The following USP3 variants were observed in gnomAD, a reference collection of about 807,000 sequenced individuals.
USP3 encodes ubiquitin carboxyl-terminal hydrolase 3.
USP3 carries 20 observed loss-of-function variants against 72.3 expected under a neutral mutation model. That is an observed-to-expected ratio of 0.28 (90% CI 0.19 to 0.40). USP3 has a LOEUF of 0.40. Among genes scored for constraint, USP3 ranks in the 10% least tolerant of loss-of-function variants. The pLI, the probability that USP3 is intolerant of heterozygous loss-of-function variation, is 1.00. For synonymous variants in USP3, 222 were observed against 225.3 expected (o/e 0.99, Z 0.13); for missense variants, 479 against 633.9 (o/e 0.76, Z 2.62).
At chr15:63,579,388 A>G (rs1269883834) in intron 11 of USP3, among the ~76,000 whole-genome samples, 1 of 152,244 alleles carries the variant, frequency 6.6e-6, no homozygotes, top group Non-Finnish European at 1.5e-5. Context: ...TCCTAGAACT[A>G]CTAATATAGA....
intron 8 of USP3, among the ~76,000 whole-genome samples, chr15:63,567,638 G>A (rs1011736187): frequency 4.0e-5 from 6 of 150,740 alleles, no homozygotes; most frequent in African/African-American, 1.5e-4. Flanking sequence ...GAGCCACCGT[G>A]CCTGGCCTAA....
intron 11 of USP3, among the ~76,000 whole-genome samples, chr15:63,575,813 C>A (rs1318993536): frequency 6.6e-6 from 1 of 151,942 alleles, no homozygotes; most frequent in Non-Finnish European, 1.5e-5. Context: ...GCTAACTTAA[C>A]CATAAATATC....
At chr15:63,590,556 T>C in intron 14 of USP3, 105 bp from the exon 15 acceptor site, 1 of 1,110,260 alleles carries the variant, frequency 9.0e-7, no homozygotes, top group Non-Finnish European at 1.2e-6. Context: ...AAATCAAAAG[T>C]CTAGGATGTA....
In USP3 at chr15:63,594,508, G is replaced by C. The variant is rs1213548798; in HGVS notation, c.*3682G>C. 6.6e-6 allele frequency: 1 copy of C among 152,222 alleles called. No individual in the cohort carries two copies. The highest frequency in any genetic ancestry group is 1.5e-5 in the Non-Finnish European group (1 of 68,054). 9.4% of individuals were successfully genotyped at this position (152,222 alleles called of 1,614,324 possible). A position where few individuals can be genotyped will look rare whatever the true frequency, so the allele number is the denominator to read the frequency against. On this transcript the variant is annotated 3_prime_UTR_variant, in exon 15 of 15. Coordinates refer to ENST00000380324, the MANE Select transcript of USP3 (RefSeq NM_006537.4). The stretch of plus-strand genomic sequence containing the variant: ...TGTCATCATTTGCCATTAAAACCCA[G>C]TTTGTATGATGCCAAGAGGATTAAT...
At chr15:63,546,112 G>C (rs551449827) in intron 3 of USP3, among the ~76,000 whole-genome samples, 1 of 151,508 alleles carries the variant, frequency 6.6e-6, no homozygotes, top group South Asian at 2.1e-4. Context: ...CCTGACTTCT[G>C]TTTATTACAT....
At chr15:63,520,008 C>G (rs1384595574) in intron 1 of USP3, among the ~76,000 whole-genome samples, 1 of 152,146 alleles carries the variant, frequency 6.6e-6, no homozygotes, top group Non-Finnish European at 1.5e-5. Context: ...CAAGATGTTC[C>G]AGGCTCATCT....
Position 63,588,560 on chromosome 15 carries a change from C to T in USP3, c.1215+137C>T, listed in dbSNP as rs2067121238. The T allele has an allele frequency of 1.1e-6, 1 of 930,416 alleles. No individual in the cohort carries two copies. 57.6% of individuals were successfully genotyped at this position (930,416 alleles called of 1,614,324 possible). ...TTTTCAGTAAAAGCTAAACCCCTTA[C>T]AGAATGAATGCATAAGGTATGCATG... On this transcript the variant is annotated intron_variant, in intron 12 of 14. Coordinates refer to ENST00000380324, the MANE Select transcript of USP3 (RefSeq NM_006537.4). This position sits in a 1 kb window ranked among gnomAD's most constrained non-coding sequence, Gnocchi z 4.6.
At position 63,504,772 on chromosome 15, in the gene USP3, C is replaced by T; in HGVS notation, c.33C>T (p.Cys11=). MECPHLSSSV[C]IAPDSAKFPN... is the part of the protein sequence containing the mutation. ...GTCCACACCTGAGCTCCAGCGTCTGCATTGCTCCGGACTCAGCCAAGTTCC... is the reference window on the plus strand; with the variant it reads ...GTCCACACCTGAGCTCCAGCGTCTGTATTGCTCCGGACTCAGCCAAGTTCC... The change falls in exon 1 of 15, where the codon TGC becomes TGT. Residue 11 remains cysteine (C), a synonymous_variant. Coordinates refer to ENST00000380324, the MANE Select transcript of USP3 (RefSeq NM_006537.4). 2.5e-6 allele frequency: 4 copies of T among 1,611,636 alleles called. No homozygotes were observed. The highest frequency in any genetic ancestry group is 2.7e-5 in the African/African-American group (2 of 74,818).
rs893664687 is a variant in USP3, at chr15:63,528,349, G to A, written c.92-4298G>A. 2.0e-5 allele frequency among the ~76,000 whole-genome samples: 3 copies of A among 152,140 alleles called. No homozygotes were observed. Among genetic ancestry groups the A allele is most frequent in the Non-Finnish European group, 4.4e-5 (3 of 68,024 alleles). ...TAAATTGCATGGCTTCCTTTTCCCT[G>A]ACATCACCTTGAAGTGTAATTGGAT... On this transcript the variant is annotated intron_variant, in intron 1 of 14. Transcript: ENST00000380324. The surrounding 1 kb of genome is among the most constrained non-coding windows in gnomAD (Gnocchi z 4.3).
intron 8 of USP3, among the ~76,000 whole-genome samples, chr15:63,567,020 A>C (rs538991668): frequency 1.3e-5 from 2 of 152,230 alleles, no homozygotes; most frequent in Non-Finnish European, 2.9e-5. Context: ...CAATATATAC[A>C]GATTATATAC....
At chr15:63,585,127 A>G (rs1354680689) in intron 11 of USP3, among the ~76,000 whole-genome samples, 5 of 152,146 alleles carry the variant, frequency 3.3e-5, no homozygotes, top group African/African-American at 1.2e-4. Flanking sequence ...TTTGATTACT[A>G]TACCTTTGTA....
chr15:63,582,315 C>G (rs1433049102), intron 11 of USP3, among the ~76,000 whole-genome samples: 2 of 152,148 alleles, frequency 1.3e-5, no homozygotes, highest in Admixed American at 1.3e-4. Flanking sequence ...CTAGGGTTTA[C>G]TATAATAGCA....
At chr15:63,577,703 A>G (rs1348904394) in intron 11 of USP3, among the ~76,000 whole-genome samples, 1 of 152,120 alleles carries the variant, frequency 6.6e-6, no homozygotes, top group Non-Finnish European at 1.5e-5. Flanking sequence ...AGTGAGCTGA[A>G]ATCGTGCAAC....
chr15:63,592,053 AG>A lies in USP3; in HGVS notation c.*1229del, dbSNP rs1228716914. On this transcript the variant is annotated 3_prime_UTR_variant, in exon 15 of 15. Coordinates refer to ENST00000380324, the MANE Select transcript of USP3 (RefSeq NM_006537.4). ...CAACCTCCTGAGTAGCTGGGATTAC[AG>A]GTGCCCACCACTACACCTGGCTAAT... 3 of 151,930 alleles carry A rather than the reference AG, an allele frequency of 2.0e-5. No homozygotes were observed. Among genetic ancestry groups the A allele is most frequent in the Non-Finnish European group, 4.4e-5 (3 of 68,022 alleles). 9.4% of individuals were successfully genotyped at this position (151,930 alleles called of 1,614,324 possible).
rs1383974573 is a variant in USP3 at position 63,544,445 on chromosome 15, C to G, written c.284+7289C>G. 4.5e-6 allele frequency: 2 copies of G among 445,440 alleles called. No homozygotes were observed. The allele number at this position is 445,440 out of a possible 1,614,324, so 27.6% of individuals were successfully genotyped here. On this transcript the variant is annotated intron_variant, in intron 3 of 14. Coordinates refer to ENST00000380324, the MANE Select transcript of USP3 (RefSeq NM_006537.4). This position sits in a 1 kb window ranked among gnomAD's most constrained non-coding sequence, Gnocchi z 4.2. ...AAGGGGAAGTAGCTGGATTTCAATC[C>G]AAAGTTATTGTTTTGACTTTAGTAG...
rs1038664426 is a variant in USP3 at position 63,529,296 on chromosome 15, G to A, written c.92-3351G>A. The A allele has an allele frequency of 1.6e-5, 6 of 364,540 alleles. No homozygotes were observed. Among genetic ancestry groups the A allele is most frequent in the Non-Finnish European group, 2.6e-5 (5 of 190,550 alleles). 22.6% of individuals were successfully genotyped at this position (364,540 alleles called of 1,614,324 possible). A position where few individuals can be genotyped will look rare whatever the true frequency, so the allele number is the denominator to read the frequency against. On this transcript the variant is annotated intron_variant, in intron 1 of 14. Coordinates refer to ENST00000380324, the MANE Select transcript of USP3 (RefSeq NM_006537.4). The surrounding 1 kb of genome is among the most constrained non-coding windows in gnomAD (Gnocchi z 4.2). ...TTTTACTTTCTCTCCTTATCATTACGTATCTGTCTGTCTAATTGATGCACA... is the reference window on the plus strand; with the variant it reads ...TTTTACTTTCTCTCCTTATCATTACATATCTGTCTGTCTAATTGATGCACA...
intron 1 of USP3, among the ~76,000 whole-genome samples, chr15:63,521,886 T>G (rs2065925105): frequency 6.6e-6 from 1 of 152,240 alleles, no homozygotes; most frequent in Non-Finnish European, 1.5e-5. Context: ...GGTTATGAAC[T>G]GTAGATCGTC....
intron 2 of USP3, chr15:63,533,761 T>G (rs1166491354): frequency 4.5e-6 from 4 of 884,020 alleles, no homozygotes; most frequent in Non-Finnish European, 6.2e-6. Flanking sequence ...AAATGTTAAC[T>G]GCATTTCTTA....
intron 1 of USP3, among the ~76,000 whole-genome samples, chr15:63,531,598 CA>C (rs1194967785): frequency 3.9e-5 from 6 of 151,958 alleles, no homozygotes; most frequent in Non-Finnish European, 7.4e-5. Context: ...TTTTTTTTAA[CA>C]GTGAGAAAGG....
Sources: gnomAD v4.1 joint callset for allele counts (sites outside exome capture counted in the v4.1 genomes callset) on GRCh38, gnomAD v4.1.1 for gene constraint, Gnocchi (gnomAD v3.1) non-coding constraint, MANE v1.5 for transcripts, NCBI Gene and HGNC (gene_info 2026-07-23, HGNC 2026-07-21) for gene names.